PARD3B: variants seen among roughly 807,000 people sequenced by gnomAD.
PARD3B encodes partitioning defective 3 homolog B.
A neutral mutation model predicts 130.2 loss-of-function variants in PARD3B; 103 were observed. The observed-to-expected ratio is 0.79, with a 90% CI of 0.67 to 0.93. PARD3B has a LOEUF of 0.93. Among genes scored for constraint, PARD3B ranks in the 40% least tolerant of loss-of-function variants. PARD3B has a pLI of 0.00. For synonymous variants in PARD3B, 583 were observed against 553.2 expected (o/e 1.05, Z -0.76); for missense variants, 1,609 against 1,499.2 (o/e 1.07, Z -1.21).
intron 15 of PARD3B, among the ~76,000 whole-genome samples, chr2:205,208,847 T>G (rs2125843286): frequency 7.0e-6 from 1 of 143,384 alleles, no homozygotes; most frequent in South Asian, 2.2e-4. Flanking sequence ...AAAGCCTTTC[T>G]TCACAGAATT....
chr2:204,943,866 G>A lies in PARD3B; in HGVS notation c.223-21286G>A, dbSNP rs1186360697. ...CACTAGAAAACTGAGATTTCAGAGGGGAAACAAAGTTAAAGCCCAAAGAGT... is the reference window on the plus strand; with the variant it reads ...CACTAGAAAACTGAGATTTCAGAGGAGAAACAAAGTTAAAGCCCAAAGAGT... On this transcript the variant is annotated intron_variant, in intron 2 of 22. Transcript: ENST00000406610. The surrounding 1 kb of genome is among the most constrained non-coding windows in gnomAD (Gnocchi z 4.2). Among the ~76,000 whole-genome samples the A allele has an allele frequency of 6.6e-6, 1 of 151,954 alleles. No individual in the cohort carries two copies. Among genetic ancestry groups the A allele is most frequent in the Non-Finnish European group, 1.5e-5 (1 of 68,008 alleles).
chr2:205,133,372 T>C (rs575518641), intron 10 of PARD3B, among the ~76,000 whole-genome samples: 1 of 152,322 alleles, frequency 6.6e-6, no homozygotes, highest in African/African-American at 2.4e-5. Context: ...GGTCTCAGGC[T>C]AGTAGTCTTG....
At chr2:204,803,155 A>T (rs1351454504) in intron 2 of PARD3B, among the ~76,000 whole-genome samples, 102 of 138,784 alleles carry the variant, frequency 7.3e-4, no homozygotes, top group African/African-American at 2.7e-3. Flanking sequence ...AAAAAAAAAA[A>T]AAAAAAAAAT....
intron 22 of PARD3B, among the ~76,000 whole-genome samples, chr2:205,573,669 T>A (rs1438164268): frequency 1.3e-5 from 2 of 152,202 alleles, no homozygotes; most frequent in Admixed American, 6.5e-5. Flanking sequence ...TGAGGTTCTA[T>A]CATTGATCAC....
chr2:205,523,225 G>GTATATA (rs906912640), intron 21 of PARD3B, among the ~76,000 whole-genome samples: 1 of 142,958 alleles, frequency 7.0e-6, no homozygotes, highest in African/African-American at 2.6e-5. Context: ...GTGTGTGTGT[G>GTATATA]TATATATATA....
At chr2:204,849,384 G>A (rs1047079188) in intron 2 of PARD3B, among the ~76,000 whole-genome samples, 1 of 152,170 alleles carries the variant, frequency 6.6e-6, no homozygotes, top group Non-Finnish European at 1.5e-5. Context: ...CAGCCATTCA[G>A]CATTGCTGTT....
At chr2:204,864,256 A>G (rs1334355634) in intron 2 of PARD3B, among the ~76,000 whole-genome samples, 1 of 152,026 alleles carries the variant, frequency 6.6e-6, no homozygotes, top group Non-Finnish European at 1.5e-5. Context: ...TTACAATGGG[A>G]CCCATTTTTT....
intron 1 of PARD3B, among the ~76,000 whole-genome samples, chr2:204,555,802 C>T (rs1038607830): frequency 3.9e-5 from 6 of 152,174 alleles, no homozygotes; most frequent in Non-Finnish European, 8.8e-5. Flanking sequence ...TATTTTCTCT[C>T]AGTTATCCAC....
chr2:204,642,755 A>G (rs2035121708), intron 1 of PARD3B, among the ~76,000 whole-genome samples: 2 of 151,852 alleles, frequency 1.3e-5, no homozygotes, highest in Admixed American at 1.3e-4. Flanking sequence ...AGGTGATTGA[A>G]TCATGGAGCA....
intron 10 of PARD3B, among the ~76,000 whole-genome samples, chr2:205,136,161 C>CA (rs2032467377): frequency 1.3e-5 from 2 of 151,850 alleles, no homozygotes; most frequent in Non-Finnish European, 2.9e-5. Flanking sequence ...CCCCACACAC[C>CA]AAAAAAAGGA....
chr2:204,804,577 G>C (rs1438887478), intron 2 of PARD3B, among the ~76,000 whole-genome samples: 8 of 152,136 alleles, frequency 5.3e-5, no homozygotes, highest in Non-Finnish European at 1.0e-4. Context: ...GCATTGGACA[G>C]ATCATCCAGA....
chr2:205,049,738 G>T (rs2125417756), intron 4 of PARD3B, among the ~76,000 whole-genome samples: 1 of 152,258 alleles, frequency 6.6e-6, no homozygotes, highest in East Asian at 1.9e-4. Context: ...TACTAGCAAA[G>T]ATGCATCTCA....
intron 2 of PARD3B, among the ~76,000 whole-genome samples, chr2:204,697,665 A>G (rs1253363430): frequency 6.6e-6 from 1 of 152,090 alleles, no homozygotes; most frequent in Non-Finnish European, 1.5e-5. Flanking sequence ...TGGCCTACAT[A>G]GTCCGTTGTG....
intron 2 of PARD3B, among the ~76,000 whole-genome samples, chr2:204,869,809 C>T (rs1206650446): frequency 6.6e-6 from 1 of 152,102 alleles, no homozygotes; most frequent in African/African-American, 2.4e-5. Context: ...TCCTGCCTTG[C>T]TCTCCTCAAG....
At chr2:204,651,414 C>T (rs2035474324) in intron 1 of PARD3B, among the ~76,000 whole-genome samples, 1 of 152,248 alleles carries the variant, frequency 6.6e-6, no homozygotes. Context: ...TATCTTAAAG[C>T]TCCAAAATAA....
chr2:205,255,072 A>G (rs952788608), intron 16 of PARD3B, among the ~76,000 whole-genome samples: 1 of 151,352 alleles, frequency 6.6e-6, no homozygotes, highest in African/African-American at 2.4e-5. Flanking sequence ...CAGGTTCCCA[A>G]CTCCCAGCTA....
In PARD3B at chr2:205,008,468, C is replaced by T. The variant is rs770293865; in HGVS notation, c.395-39113C>T. ...TAAATGGAAAAAAATGTGCCTTTCA[C>T]TGCCCTCAACAACGTTGACCTTTGA... On this transcript the variant is annotated intron_variant, in intron 3 of 22. Coordinates refer to ENST00000406610, the MANE Select transcript of PARD3B (RefSeq NM_001302769.2). 3.9e-5 allele frequency among the ~76,000 whole-genome samples: 6 copies of T among 152,078 alleles called. No individual in the cohort carries two copies. In the South Asian group the frequency reaches 8.3e-4, roughly 21 times the overall value.
intron 10 of PARD3B, among the ~76,000 whole-genome samples, chr2:205,149,981 A>G (rs1210522118): frequency 6.6e-6 from 1 of 152,100 alleles, no homozygotes. Context: ...TTCAAATATC[A>G]GTTGTGCCAA....
intron 18 of PARD3B, among the ~76,000 whole-genome samples, chr2:205,315,570 C>A (rs2105947097): frequency 6.6e-6 from 1 of 152,252 alleles, no homozygotes; most frequent in South Asian, 2.1e-4. Flanking sequence ...GATTGTAATG[C>A]AGCCAGTCCC....
Sources: allele counts gnomAD v4.1 joint callset (sites outside exome capture counted in the v4.1 genomes callset), GRCh38; gene constraint gnomAD v4.1.1; non-coding constraint Gnocchi (gnomAD v3.1); transcripts MANE v1.5; gene names NCBI Gene and HGNC (gene_info 2026-07-23, HGNC 2026-07-21).